The following CEACAM18 variants were observed in gnomAD, a reference collection of about 807,000 sequenced individuals.
CEACAM18 encodes the protein CEA cell adhesion molecule 18, also known as cell adhesion molecule CEACAM18.
CEACAM18 carries 33 observed loss-of-function variants against 34.3 expected under a neutral mutation model. That is an observed-to-expected ratio of 0.96 (90% CI 0.73 to 1.29). The LOEUF (loss-of-function observed/expected upper bound fraction) is 1.29, where lower values mean the gene tolerates loss of function less well. Ranked by LOEUF, CEACAM18 falls within the 50% of genes most tolerant of loss-of-function variation. The probability of loss-of-function intolerance (pLI) is 0.00; values close to 1 mark genes in which losing one functional copy is unlikely to be tolerated. For missense variants in CEACAM18, 474 were observed against 485.0 expected (o/e 0.98, Z 0.21); for synonymous variants, 169 against 180.9 (o/e 0.93, Z 0.53).
At chr19:51,478,742 G>C (rs1989854473) in intron 1 of CEACAM18, 48 bp downstream of exon 1, 1 of 1,288,436 alleles carries the variant, frequency 7.8e-7, no homozygotes, top group Non-Finnish European at 1.0e-6. Context: ...TGAGGGAAGG[G>C]CAGCTAGGAG....
chr19:51,481,582 G>A (rs765039070), exon 3 of CEACAM18: 12 of 1,613,828 alleles, frequency 7.4e-6, no homozygotes, highest in South Asian at 6.6e-5. Context: ...AGGGTCAGCC[G>A]CTATGACAGA....
chr19:51,480,515 C>G, exon 2 of CEACAM18: 1 of 1,613,946 alleles, frequency 6.2e-7, no homozygotes, highest in East Asian at 2.2e-5. Context: ...CCACAAACCG[C>G]CCAGTGCCCA....
chr19:51,488,316 G>T (rs926375683), intron 5 of CEACAM18, among the ~76,000 whole-genome samples: 10 of 152,194 alleles, frequency 6.6e-5, no homozygotes, highest in African/African-American at 2.4e-4. Flanking sequence ...TGCTTACTGT[G>T]TACCAACCCT....
chr19:51,485,214 A>G lies in CEACAM18; in HGVS notation c.1089+92A>G, dbSNP rs1989979613. ...CCCTCCAGAGGGGAAGCAGAGCCAGAAGGGGAGGGATAAGCCAGGAACTAG... is the reference window on the plus strand; with the variant it reads ...CCCTCCAGAGGGGAAGCAGAGCCAGGAGGGGAGGGATAAGCCAGGAACTAG... On this transcript the variant is annotated intron_variant, in intron 5 of 5. Coordinates refer to ENST00000396477, the Ensembl canonical transcript of CEACAM18. 3.9e-6 allele frequency: 5 copies of G among 1,288,056 alleles called. No individual in the cohort carries two copies. The South Asian group carries it at 7.8e-5, about 20-fold the overall frequency. The allele number at this position is 1,288,056 out of a possible 1,614,324, so 79.8% of individuals were successfully genotyped here.
intron 4 of CEACAM18, among the ~76,000 whole-genome samples, chr19:51,483,674 G>A (rs899010429): frequency 1.3e-5 from 2 of 152,202 alleles, no homozygotes; most frequent in African/African-American, 4.8e-5. Flanking sequence ...GCTTATTCAA[G>A]GCTCTATTGC....
At chr19:51,487,124 A>T (rs181660509) in intron 5 of CEACAM18, among the ~76,000 whole-genome samples, 1 of 152,208 alleles carries the variant, frequency 6.6e-6, no homozygotes, top group African/African-American at 2.4e-5. Context: ...TAATTGAAAG[A>T]TTAAACATTA....
chr19:51,484,871 C>T, intron 4 of CEACAM18, 116 bp from the exon 5 acceptor site: 1 of 1,286,706 alleles, frequency 7.8e-7, no homozygotes, highest in Non-Finnish European at 1.1e-6. Flanking sequence ...CAGTGCTTTG[C>T]TGATAATAGA....
intron 1 of CEACAM18, among the ~76,000 whole-genome samples, chr19:51,478,958 A>T (rs1599941018): frequency 6.6e-6 from 1 of 150,658 alleles, no homozygotes; most frequent in African/African-American, 2.4e-5. Flanking sequence ...GCACATGCAC[A>T]CACACACACG....
chr19:51,478,823 C>A (rs575126913), intron 1 of CEACAM18, 129 bp downstream of exon 1: 1 of 617,148 alleles, frequency 1.6e-6, no homozygotes, highest in South Asian at 3.6e-5. Flanking sequence ...GAGCAGGGGT[C>A]GGGGAGAGGA....
At chr19:51,488,497 C>G (rs1198201728) in intron 5 of CEACAM18, among the ~76,000 whole-genome samples, 1 of 152,206 alleles carries the variant, frequency 6.6e-6, no homozygotes, top group Non-Finnish European at 1.5e-5. Flanking sequence ...GCTAAGGGAC[C>G]ATGTAATAAT....
chr19:51,481,875 T>C (rs1568523736), intron 3 of CEACAM18, among the ~76,000 whole-genome samples: 1 of 152,156 alleles, frequency 6.6e-6, no homozygotes, highest in Non-Finnish European at 1.5e-5. Flanking sequence ...ACACTCGAGT[T>C]TGAAATGAAG....
intron 4 of CEACAM18, among the ~76,000 whole-genome samples, chr19:51,484,695 T>C (rs1203492454): frequency 3.9e-5 from 6 of 152,234 alleles, no homozygotes; most frequent in Non-Finnish European, 8.8e-5. Context: ...TTCCAGTCAC[T>C]GTCTCTCCCC....
intron 4 of CEACAM18, among the ~76,000 whole-genome samples, chr19:51,484,045 C>A (rs1341370969): frequency 1.3e-5 from 2 of 152,178 alleles, no homozygotes; most frequent in African/African-American, 2.4e-5. Context: ...CTGGGACAAG[C>A]AGCTCCATCG....
intron 4 of CEACAM18, 152 bp downstream of exon 4, chr19:51,483,448 T>C: frequency 2.2e-6 from 2 of 903,404 alleles, no homozygotes; most frequent in East Asian, 5.3e-5. Flanking sequence ...GAGGTCTGGG[T>C]CCAAAGCTGC....
intron 1 of CEACAM18, among the ~76,000 whole-genome samples, chr19:51,479,690 C>T (rs565658320): frequency 4.6e-5 from 7 of 152,112 alleles, no homozygotes; most frequent in Non-Finnish European, 1.0e-4. Flanking sequence ...AGAAGTGAGT[C>T]AGCAAGGAGG....
chr19:51,481,575 G>A lies in CEACAM18; in HGVS notation c.583G>A (p.Val195Ile), dbSNP rs764003010. The change falls in exon 3 of 6, where the codon GTC (valine) becomes ATC (isoleucine). Residue 195 changes from valine (V) to isoleucine (I), a missense_variant. By Grantham distance (29) the Val-to-Ile change is conservative. Coordinates refer to ENST00000396477, the Ensembl canonical transcript of CEACAM18. ...CGGCAAGACCCTCGTCATCCTCAGG[G>A]TCAGCCGCTATGACAGAACAATTCA... The A allele has an allele frequency of 6.8e-6, 11 of 1,613,876 alleles. 1 individual carries two copies. The South Asian group carries it at 7.7e-5, about 11-fold the overall frequency.
At position 51,483,305 on chromosome 19, in the gene CEACAM18, G is replaced by A. The variant is rs1568524243; in HGVS notation, c.953+9G>A. ...ATCCAGGCCCCCCATGAGTGCAGCA[G>A]CTCCCCTCCAGGCTCATGCTTTGCA... On this transcript the variant is annotated intron_variant, in intron 4 of 5. Transcript: ENST00000396477. The A allele has an allele frequency of 1.9e-6, 3 of 1,613,612 alleles. No individual in the cohort carries two copies. The highest frequency in any genetic ancestry group is 1.1e-5 in the South Asian group (1 of 91,066).
At chr19:51,484,961 G>T in intron 4 of CEACAM18, 26 bp from the exon 5 acceptor site, 1 of 1,536,026 alleles carries the variant, frequency 6.5e-7, no homozygotes. Flanking sequence ...TCGTGGTCCT[G>T]ACCCCCAGGT....
At position 51,481,447 on chromosome 19, in the gene CEACAM18, TG is replaced by T; in HGVS notation, c.457del (p.Asp153IlefsTer18). 1 of 1,613,986 alleles carries T rather than the reference TG, an allele frequency of 6.2e-7. No homozygotes were observed. The highest frequency in any genetic ancestry group is 8.5e-7 in the Non-Finnish European group (1 of 1,179,880). Reference sequence around the variant, plus strand: ...AATGCCAGCTCCCTGGTGGAGAACATGGATTCTGTGGCTGCTGACTGCCTCA... The same window carrying T: ...AATGCCAGCTCCCTGGTGGAGAACATGATTCTGTGGCTGCTGACTGCCTCA... On this transcript the variant is annotated frameshift_variant, in exon 3 of 6. Transcript: ENST00000396477. LOFTEE classifies it high-confidence loss of function.
Sources: gnomAD v4.1 joint callset for allele counts (sites outside exome capture counted in the v4.1 genomes callset) on GRCh38, gnomAD v4.1.1 for gene constraint, MANE v1.5 for transcripts, NCBI Gene and HGNC (gene_info 2026-07-23, HGNC 2026-07-21) for gene names.